The following LEKR1 variants were observed in gnomAD, a reference collection of about 807,000 sequenced individuals.
LEKR1 encodes leucine, glutamate and lysine rich 1.
A neutral mutation model predicts 72.4 loss-of-function variants in LEKR1; 59 were observed. The ratio of observed to expected loss-of-function variants is 0.82; its 90% CI spans 0.66 to 1.01. LEKR1 has a LOEUF of 1.01. Ranked by LOEUF, LEKR1 falls within the 50% of genes least tolerant of loss-of-function variation. LEKR1 has a pLI of 0.00. For missense variants in LEKR1, 728 were observed against 759.2 expected (o/e 0.96, Z 0.48); for synonymous variants, 257 against 263.2 (o/e 0.98, Z 0.23).
At chr3:156,942,802 A>G in intron 6 of LEKR1, 88 bp downstream of exon 6, 1 of 562,612 alleles carries the variant, frequency 1.8e-6, no homozygotes, top group Non-Finnish European at 2.7e-6. Flanking sequence ...TTACAACAAA[A>G]TCTTGTTTTA....
intron 3 of LEKR1, among the ~76,000 whole-genome samples, chr3:156,907,567 A>C (rs1016321226): frequency 1.3e-5 from 2 of 152,016 alleles, no homozygotes; most frequent in African/African-American, 4.8e-5. Context: ...AAACGTACCC[A>C]TTCTTTTATA....
intron 7 of LEKR1, among the ~76,000 whole-genome samples, chr3:156,991,943 AAAT>A (rs1560131887): frequency 6.6e-6 from 1 of 152,142 alleles, no homozygotes; most frequent in African/African-American, 2.4e-5. Context: ...TTTCTCCAAA[AAAT>A]ATTGTTGTCG....
intron 3 of LEKR1, among the ~76,000 whole-genome samples, chr3:156,899,503 CATGT>C (rs1224833663): frequency 0.036 from 3,720 of 104,576 alleles, 138 homozygotes; most frequent in African/African-American, 0.079. Flanking sequence ...CACATATATA[CATGT>C]ATATATACAT....
intron 12 of LEKR1, among the ~76,000 whole-genome samples, chr3:157,033,469 A>G (rs1448770059): frequency 1.3e-5 from 2 of 152,162 alleles, no homozygotes; most frequent in East Asian, 1.9e-4. Flanking sequence ...AACCAGTCAT[A>G]ATATTCCCTT....
Position 157,022,157 on chromosome 3 carries a change from A to G in LEKR1, c.1204-2603A>G, listed in dbSNP as rs1210376981. Among the ~76,000 whole-genome samples, 7 of 152,290 alleles carry G rather than the reference A, an allele frequency of 4.6e-5. 1 individual carries two copies. The South Asian group carries it at 1.4e-3, about 32-fold the overall frequency. On this transcript the variant is annotated intron_variant, in intron 10 of 12. Transcript: ENST00000356539. Reference sequence around the variant, plus strand: ...GCCTGTACTCTGCTCATCAAGTCCTATGACTGGCATGAGACTGTTTTCATC... The same window carrying G: ...GCCTGTACTCTGCTCATCAAGTCCTGTGACTGGCATGAGACTGTTTTCATC...
intron 7 of LEKR1, among the ~76,000 whole-genome samples, chr3:156,980,576 A>G (rs1013039866): frequency 2.0e-5 from 3 of 152,132 alleles, no homozygotes; most frequent in Admixed American, 1.3e-4. Context: ...TAGAAAAAAA[A>G]AAATCGTTGT....
chr3:157,024,858 T>C lies in LEKR1; in HGVS notation c.1302T>C (p.Ile434=), dbSNP rs1457311505. ...AAGAAACAAAATTGCAACTTGATAT[T>C]GAAAAAGAAAAACACCAAGATGTAA... The part of the protein sequence containing the change: ...FKEETKLQLD[I]EKEKHQDVIQ... The change falls in exon 11 of 13, where the codon ATT becomes ATC. Residue 434 remains isoleucine (I), a synonymous_variant. Coordinates refer to ENST00000356539, the MANE Select transcript of LEKR1 (RefSeq NM_001004316.3). 1 of 1,609,772 alleles carries C rather than the reference T, an allele frequency of 6.2e-7. No homozygotes were observed. The highest frequency in any genetic ancestry group is 8.5e-7 in the Non-Finnish European group (1 of 1,177,038).
chr3:156,919,985 AT>A (rs1724040015), intron 3 of LEKR1, among the ~76,000 whole-genome samples: 1 of 151,880 alleles, frequency 6.6e-6, no homozygotes, highest in Non-Finnish European at 1.5e-5. Flanking sequence ...GGCTTCCTTG[AT>A]TTTTTTTCTC....
chr3:156,965,974 T>C (rs1728534552), intron 6 of LEKR1, among the ~76,000 whole-genome samples: 1 of 152,192 alleles, frequency 6.6e-6, no homozygotes, highest in Non-Finnish European at 1.5e-5. Flanking sequence ...TATGATAATA[T>C]ATATGTATAA....
intron 3 of LEKR1, among the ~76,000 whole-genome samples, chr3:156,862,996 T>C (rs1716934240): frequency 6.6e-6 from 1 of 152,060 alleles, no homozygotes; most frequent in African/African-American, 2.4e-5. Context: ...AAAACAAGAA[T>C]TTGAATATGT....
intron 3 of LEKR1, among the ~76,000 whole-genome samples, chr3:156,903,463 G>C (rs1239672236): frequency 6.6e-6 from 1 of 151,960 alleles, no homozygotes; most frequent in South Asian, 2.1e-4. Context: ...TAATTTTAAG[G>C]TTGTTATATG....
intron 3 of LEKR1, among the ~76,000 whole-genome samples, chr3:156,890,860 C>CTTT (rs111265584): frequency 7.4e-6 from 1 of 135,722 alleles, no homozygotes; most frequent in South Asian, 2.3e-4. Flanking sequence ...AAAAGTTATC[C>CTTT]TTTTTTTTTT....
In LEKR1 at chr3:156,993,222, A is replaced by C; in HGVS notation, c.1054A>C (p.Thr352Pro). The C allele has an allele frequency of 6.2e-7, 1 of 1,612,364 alleles. No individual in the cohort carries two copies. The highest frequency in any genetic ancestry group is 8.5e-7 in the Non-Finnish European group (1 of 1,179,258). ...CCTTGCAGAAAATGAACTGGAGATA[A>C]CCAAAACTCTTCTGAATCAGACAAG... ...INLAENELEI[T>P]KTLLNQTREE... The change falls in exon 9 of 13, where the codon ACC (threonine) becomes CCC (proline). Residue 352 changes from threonine (T) to proline (P), a missense_variant. Coordinates refer to ENST00000356539, the MANE Select transcript of LEKR1 (RefSeq NM_001004316.3).
chr3:157,007,400 T>A (rs79631672), intron 9 of LEKR1, among the ~76,000 whole-genome samples: 3,469 of 152,186 alleles, frequency 0.023, 87 homozygotes, highest in East Asian at 0.1. Flanking sequence ...GCGGCAAAAA[T>A]TGAACTTAGC....
At position 156,833,941 on chromosome 3, in the gene LEKR1, A is replaced by C. The variant is rs201444666; in HGVS notation, c.48+4564A>C. 3.3e-5 allele frequency among the ~76,000 whole-genome samples: 5 copies of C among 151,840 alleles called. No homozygotes were observed. The East Asian group carries it at 9.6e-4, about 29-fold the overall frequency. On this transcript the variant is annotated intron_variant, in intron 2 of 12. Transcript: ENST00000356539. ...TTTTTGCAGTTTACTTAAAAGGCAAAAACATTTCATTGTGGCTCAGTATTA... is the reference window on the plus strand; with the variant it reads ...TTTTTGCAGTTTACTTAAAAGGCAACAACATTTCATTGTGGCTCAGTATTA...
chr3:156,947,877 G>C (rs1203204436), intron 6 of LEKR1, among the ~76,000 whole-genome samples: 1 of 151,032 alleles, frequency 6.6e-6, no homozygotes, highest in African/African-American at 2.4e-5. Context: ...CAGACAGTTA[G>C]TCTTTCATTT....
At chr3:157,022,753 T>C (rs1733934398) in intron 10 of LEKR1, among the ~76,000 whole-genome samples, 1 of 152,176 alleles carries the variant, frequency 6.6e-6, no homozygotes, top group Non-Finnish European at 1.5e-5. Flanking sequence ...TCTTCTTTTT[T>C]TCTGAGTGCC....
intron 6 of LEKR1, among the ~76,000 whole-genome samples, chr3:156,972,195 C>T (rs973775333): frequency 3.3e-5 from 5 of 152,074 alleles, no homozygotes; most frequent in African/African-American, 2.4e-5. Flanking sequence ...TTTGTAGGTA[C>T]ATGGATGAAG....
At chr3:156,979,817 A>G (rs995741308) in intron 7 of LEKR1, 1 of 152,272 alleles carries the variant, frequency 6.6e-6, no homozygotes, top group South Asian at 2.1e-4. Context: ...ATTAATTTTC[A>G]GCCTGGGCAA....
Sources: allele counts gnomAD v4.1 joint callset (sites outside exome capture counted in the v4.1 genomes callset), GRCh38; gene constraint gnomAD v4.1.1; transcripts MANE v1.5; gene names NCBI Gene and HGNC (gene_info 2026-07-23, HGNC 2026-07-21).